Variants in SLC60A2 observed in about 807,000 individuals in gnomAD.
SLC60A2 encodes the protein solute carrier family 60 member 2.
chr6:111,264,394 A>G, the SLC60A2 span, among the ~76,000 whole-genome samples: 7 of 148,192 alleles, frequency 4.7e-5, no homozygotes, highest in African/African-American at 1.7e-4. Flanking sequence ...AAGCCAAGAG[A>G]GATCCATAGT....
the SLC60A2 span, chr6:111,263,838 A>G: frequency 6.3e-7 from 1 of 1,589,576 alleles, no homozygotes; most frequent in Non-Finnish European, 8.6e-7. Flanking sequence ...AGGAATCTCA[A>G]TGTCGGCTAC....
the SLC60A2 span, among the ~76,000 whole-genome samples, chr6:111,276,255 A>T: frequency 6.6e-6 from 1 of 152,110 alleles, no homozygotes; most frequent in Non-Finnish European, 1.5e-5. Flanking sequence ...TGTCTTTGAG[A>T]TCTTGTTTTC....
the SLC60A2 span, chr6:111,259,735 C>T: frequency 1.3e-6 from 2 of 1,583,154 alleles, no homozygotes; most frequent in Admixed American, 3.7e-5. Context: ...CTGGTGAGAG[C>T]CGGGGCTGCA....
the SLC60A2 span, chr6:111,262,490 A>G: frequency 6.8e-7 from 1 of 1,470,074 alleles, no homozygotes; most frequent in Non-Finnish European, 9.5e-7. Flanking sequence ...GTCTTTGAAA[A>G]TATGAAAATA....
chr6:111,264,379 C>G, the SLC60A2 span, among the ~76,000 whole-genome samples: 1 of 151,898 alleles, frequency 6.6e-6, no homozygotes, highest in Admixed American at 6.6e-5. Flanking sequence ...TTTACCCTGA[C>G]TTCCAAGCCA....
chr6:111,265,231 A>G, the SLC60A2 span: 5 of 910,702 alleles, frequency 5.5e-6, no homozygotes, highest in Non-Finnish European at 6.6e-6. Context: ...ATGAAATTAT[A>G]GGGTAGAATT....
At chr6:111,266,186 C>T in the SLC60A2 span, 13 of 1,612,984 alleles carry the variant, frequency 8.1e-6, no homozygotes, top group East Asian at 1.3e-4. Flanking sequence ...TAAAGAATAG[C>T]TCAAAGCAAG....
At chr6:111,263,018 A>G in the SLC60A2 span, among the ~76,000 whole-genome samples, 24 of 151,322 alleles carry the variant, frequency 1.6e-4, no homozygotes, top group African/African-American at 5.1e-4. Flanking sequence ...GCTCACTGCA[A>G]CCTCCCCCTC....
the SLC60A2 span, chr6:111,270,738 G>A: frequency 9.2e-5 from 14 of 152,126 alleles, no homozygotes; most frequent in Admixed American, 3.9e-4. Flanking sequence ...CCAGCTACTC[G>A]GGAGGCTGAG....
At chr6:111,260,780 G>A in the SLC60A2 span, among the ~76,000 whole-genome samples, 1 of 152,144 alleles carries the variant, frequency 6.6e-6, no homozygotes, top group Non-Finnish European at 1.5e-5. Context: ...TCAGACTTTT[G>A]GTGAGTCGTC....
the SLC60A2 span, among the ~76,000 whole-genome samples, chr6:111,261,563 T>G: frequency 6.6e-6 from 1 of 152,048 alleles, no homozygotes; most frequent in South Asian, 2.1e-4. Flanking sequence ...GGATTACAGG[T>G]GTAAGCAACC....
the SLC60A2 span, among the ~76,000 whole-genome samples, chr6:111,275,100 T>TTC: frequency 2.6e-5 from 4 of 151,554 alleles, no homozygotes; most frequent in Non-Finnish European, 5.9e-5. Context: ...TTTTTTTTTT[T>TTC]CAGAGACAGG....
the SLC60A2 span, chr6:111,266,632 T>G: frequency 6.2e-6 from 10 of 1,614,106 alleles, no homozygotes; most frequent in Non-Finnish European, 8.5e-6. Context: ...TCTGCAGCAT[T>G]TTTTGTAATT....
chr6:111,261,893 A>G, the SLC60A2 span, among the ~76,000 whole-genome samples: 1 of 152,184 alleles, frequency 6.6e-6, no homozygotes, highest in South Asian at 2.1e-4. Context: ...TGCCCGGCCA[A>G]TTTAAATTTT....
chr6:111,266,798 T>G, the SLC60A2 span: 2 of 1,613,990 alleles, frequency 1.2e-6, no homozygotes, highest in South Asian at 2.2e-5. Context: ...CTTCACCTCT[T>G]GATCGCCAGC....
the SLC60A2 span, among the ~76,000 whole-genome samples, chr6:111,273,142 G>A: frequency 1.3e-5 from 2 of 152,060 alleles, no homozygotes; most frequent in Non-Finnish European, 2.9e-5. Flanking sequence ...AGATTATATT[G>A]TGGTCAGAAA....
chr6:111,273,509 T>TTG, the SLC60A2 span, among the ~76,000 whole-genome samples: 77 of 143,878 alleles, frequency 5.4e-4, no homozygotes, highest in African/African-American at 1.6e-3. Context: ...TTTTTTTTTT[T>TTG]TTTTGTTTAA....
the SLC60A2 span, chr6:111,259,583 G>C: frequency 2.6e-6 from 3 of 1,151,130 alleles, no homozygotes; most frequent in Non-Finnish European, 3.6e-6. Flanking sequence ...CCCCGGCTGC[G>C]GGGCAGCGGC....
the SLC60A2 span, chr6:111,266,854 G>T: frequency 1.2e-6 from 2 of 1,613,812 alleles, no homozygotes; most frequent in African/African-American, 2.7e-5. Context: ...CTGCTCTCTA[G>T]CTCCGGGCTA....
Sources: allele counts gnomAD v4.1 joint callset (sites outside exome capture counted in the v4.1 genomes callset), GRCh38; gene constraint gnomAD v4.1.1; transcripts MANE v1.5; gene names NCBI Gene and HGNC (gene_info 2026-07-23, HGNC 2026-07-21).